BTBD9: variants seen among roughly 807,000 people sequenced by gnomAD.
BTBD9 encodes the protein BTB/POZ domain-containing protein 9.
Under a neutral mutation model 64.3 loss-of-function variants are expected in BTBD9, and 49 were observed. The ratio of observed to expected loss-of-function variants is 0.76; its 90% CI spans 0.61 to 0.97. BTBD9 has a LOEUF of 0.97. Among genes scored for constraint, BTBD9 ranks in the 50% least tolerant of loss-of-function variants. BTBD9 has a pLI of 0.00. For synonymous variants in BTBD9, 260 were observed against 274.7 expected (o/e 0.95, Z 0.53); for missense variants, 598 against 762.1 (o/e 0.78, Z 2.53).
chr6:38,403,666 T>C (rs1265871667), intron 6 of BTBD9, among the ~76,000 whole-genome samples: 1 of 152,240 alleles, frequency 6.6e-6, no homozygotes, highest in Non-Finnish European at 1.5e-5. Context: ...GAAAACAGTC[T>C]GGCAGATCGT....
intron 7 of BTBD9, 56 bp downstream of exon 7, chr6:38,344,928 G>T: frequency 8.7e-7 from 1 of 1,144,814 alleles, no homozygotes; most frequent in Non-Finnish European, 1.3e-6. Flanking sequence ...GAGTAACAAA[G>T]TATTTGAAGA....
chr6:38,334,406 A>G (rs891682727), intron 7 of BTBD9, among the ~76,000 whole-genome samples: 1 of 152,060 alleles, frequency 6.6e-6, no homozygotes, highest in African/African-American at 2.4e-5. Flanking sequence ...CTAAAAATAC[A>G]AAAATTAGCC....
intron 9 of BTBD9, among the ~76,000 whole-genome samples, chr6:38,249,343 C>T (rs945072038): frequency 5.3e-5 from 8 of 152,128 alleles, no homozygotes; most frequent in African/African-American, 1.9e-4. Context: ...TAACCTCGAA[C>T]TCCTGGCTTC....
chr6:38,360,616 G>T (rs1447319535), intron 6 of BTBD9, among the ~76,000 whole-genome samples: 2 of 152,254 alleles, frequency 1.3e-5, no homozygotes, highest in Admixed American at 1.3e-4. Flanking sequence ...AAAGATGAGT[G>T]GGGGTTGTGG....
chr6:38,456,224 G>A (rs566666188), intron 6 of BTBD9, among the ~76,000 whole-genome samples: 2 of 152,326 alleles, frequency 1.3e-5, no homozygotes, highest in South Asian at 4.1e-4. Context: ...CTGACCTCAA[G>A]TGATCCACCT....
At chr6:38,547,515 CACA>C (rs1398113633) in intron 6 of BTBD9, among the ~76,000 whole-genome samples, 3 of 152,122 alleles carry the variant, frequency 2.0e-5, no homozygotes, top group South Asian at 2.1e-4. Context: ...GTTCAAAATC[CACA>C]ACAATTTCAC....
intron 6 of BTBD9, among the ~76,000 whole-genome samples, chr6:38,541,837 G>T (rs766075101): frequency 2.0e-5 from 3 of 152,202 alleles, no homozygotes; most frequent in Non-Finnish European, 4.4e-5. Flanking sequence ...TCTGCTTCTA[G>T]AAAGTTTAAT....
At chr6:38,320,833 TGGGTATTACACAAGATG>T (rs1019016191) in intron 7 of BTBD9, among the ~76,000 whole-genome samples, 1 of 152,218 alleles carries the variant, frequency 6.6e-6, no homozygotes, top group Non-Finnish European at 1.5e-5. Context: ...TTCATAAATC[TGGGTATTACACAAGATG>T]GGGGACAAGC....
chr6:38,330,063 G>GT (rs1447451802), intron 7 of BTBD9, among the ~76,000 whole-genome samples: 39 of 121,976 alleles, frequency 3.2e-4, no homozygotes, highest in South Asian at 1.9e-3. Flanking sequence ...CTTTTTTTTT[G>GT]TTTTATTTTG....
At chr6:38,593,572 T>A (rs1431407999) in intron 3 of BTBD9, among the ~76,000 whole-genome samples, 1 of 152,230 alleles carries the variant, frequency 6.6e-6, no homozygotes, top group East Asian at 1.9e-4. Context: ...AAATGTTGCA[T>A]CAGATCTCCT....
At chr6:38,188,279 C>G (rs1252428392) in intron 10 of BTBD9, among the ~76,000 whole-genome samples, 1 of 152,226 alleles carries the variant, frequency 6.6e-6, no homozygotes, top group Non-Finnish European at 1.5e-5. Context: ...TCTAAACAGC[C>G]AGCTGCTCTG....
intron 6 of BTBD9, among the ~76,000 whole-genome samples, chr6:38,545,906 C>T (rs1774535562): frequency 7.5e-6 from 1 of 133,708 alleles, no homozygotes; most frequent in South Asian, 2.4e-4. Context: ...ACACACTGCT[C>T]CAGGGGTTTG....
At chr6:38,196,685 C>G (rs1215607184) in intron 9 of BTBD9, among the ~76,000 whole-genome samples, 1 of 152,160 alleles carries the variant, frequency 6.6e-6, no homozygotes, top group Admixed American at 6.5e-5. Context: ...TGTAATCTCA[C>G]CAGGGAGATG....
At chr6:38,617,411 C>T (rs976842165) in intron 1 of BTBD9, among the ~76,000 whole-genome samples, 4 of 152,164 alleles carry the variant, frequency 2.6e-5, no homozygotes, top group Admixed American at 6.5e-5. Flanking sequence ...AAGGCTAGTC[C>T]TGCTTCTCAA....
At chr6:38,454,903 C>A (rs1769728455) in intron 6 of BTBD9, among the ~76,000 whole-genome samples, 1 of 151,660 alleles carries the variant, frequency 6.6e-6, no homozygotes, top group Non-Finnish European at 1.5e-5. Flanking sequence ...AGAATTAATA[C>A]AACATTATCA....
At chr6:38,516,276 T>C (rs866823491) in intron 6 of BTBD9, among the ~76,000 whole-genome samples, 2 of 151,896 alleles carry the variant, frequency 1.3e-5, no homozygotes, top group Non-Finnish European at 2.9e-5. Flanking sequence ...AGTCAGCCAT[T>C]CCATGAATTT....
chr6:38,541,137 G>A (rs1032641455), intron 6 of BTBD9, among the ~76,000 whole-genome samples: 1 of 152,110 alleles, frequency 6.6e-6, no homozygotes, highest in African/African-American at 2.4e-5. Flanking sequence ...CTAAAGTGAA[G>A]TACATATTAT....
intron 6 of BTBD9, among the ~76,000 whole-genome samples, chr6:38,551,976 G>A (rs917415020): frequency 2.6e-5 from 4 of 152,148 alleles, no homozygotes; most frequent in African/African-American, 4.8e-5. Flanking sequence ...AGAGTGTGGT[G>A]GCTGAAGACC....
chr6:38,480,603 G>A lies in BTBD9; in HGVS notation c.1154+96997C>T, dbSNP rs185713980. On this transcript the variant is annotated intron_variant, in intron 6 of 10. Coordinates refer to ENST00000481247, the MANE Select transcript of BTBD9 (RefSeq NM_001099272.2). Reference sequence around the variant, plus strand: ...TACCTCCATGCAAAGTAGTATATAAGTAAAAAGCTCTAATTTTGCTTGTAG... The same window carrying A: ...TACCTCCATGCAAAGTAGTATATAAATAAAAAGCTCTAATTTTGCTTGTAG... Among the ~76,000 whole-genome samples the A allele has an allele frequency of 9.2e-3, 1,394 of 152,212 alleles. 8 individuals carry two copies. Among genetic ancestry groups the A allele is most frequent in the Non-Finnish European group, 0.015 (1,004 of 68,006 alleles).
Sources: gnomAD v4.1 joint callset for allele counts (sites outside exome capture counted in the v4.1 genomes callset) on GRCh38, gnomAD v4.1.1 for gene constraint, MANE v1.5 for transcripts, NCBI Gene and HGNC (gene_info 2026-07-23, HGNC 2026-07-21) for gene names.